The following GDI2 variants were observed in gnomAD, a reference collection of about 807,000 sequenced individuals.
The protein encoded by GDI2 is rab GDP dissociation inhibitor beta.
GDI2 carries 22 observed loss-of-function variants against 54.2 expected under a neutral mutation model. That is an observed-to-expected ratio of 0.41 (90% CI 0.29 to 0.58). The LOEUF (loss-of-function observed/expected upper bound fraction) is 0.58. Among genes scored for constraint, GDI2 ranks in the 20% least tolerant of loss-of-function variants. The probability of loss-of-function intolerance (pLI) is 0.35; values close to 1 mark genes in which losing one functional copy is unlikely to be tolerated. For synonymous variants in GDI2, 177 were observed against 182.1 expected (o/e 0.97, Z 0.23); for missense variants, 422 against 546.0 (o/e 0.77, Z 2.26).
At position 5,775,560 on chromosome 10, in the gene GDI2, A is replaced by G. The variant is rs11592184; in HGVS notation, c.720-1619T>C. Among the ~76,000 whole-genome samples, 901 of 152,300 alleles carry G rather than the reference A, an allele frequency of 5.9e-3. 11 individuals carry two copies. Among genetic ancestry groups the G allele is most frequent in the Middle Eastern group, 0.041 (12 of 294 alleles). Reference sequence around the variant, plus strand: ...GAAAATTGTAGGGGAAAGTTTCACAAAAGAGGGAGCCTCAAAAGAAGGAGC... The same window carrying G: ...GAAAATTGTAGGGGAAAGTTTCACAGAAGAGGGAGCCTCAAAAGAAGGAGC... On this transcript the variant is annotated intron_variant, in intron 6 of 10. Transcript: ENST00000380191.
At chr10:5,788,076 G>A (rs571919171) in intron 4 of GDI2, among the ~76,000 whole-genome samples, 137 of 152,250 alleles carry the variant, frequency 9.0e-4, no homozygotes, top group Non-Finnish European at 1.7e-3. Context: ...ATGACTAGCT[G>A]TTAACAGCAT....
At chr10:5,794,020 C>T (rs1244828992) in intron 4 of GDI2, among the ~76,000 whole-genome samples, 6 of 150,822 alleles carry the variant, frequency 4.0e-5, no homozygotes, top group South Asian at 2.1e-4. Context: ...AAAAATTAGC[C>T]GGGCGTGTTG....
At chr10:5,798,097 T>C (rs1184562277) in intron 2 of GDI2, among the ~76,000 whole-genome samples, 1 of 152,194 alleles carries the variant, frequency 6.6e-6, no homozygotes, top group Non-Finnish European at 1.5e-5. Flanking sequence ...ACCAATCATA[T>C]CCATCACCTC....
chr10:5,795,501 A>AT (rs1161981374), intron 3 of GDI2, among the ~76,000 whole-genome samples: 4 of 152,088 alleles, frequency 2.6e-5, no homozygotes, highest in African/African-American at 9.7e-5. Context: ...CGTTTTTGTT[A>AT]TTTTTTATCT....
At chr10:5,807,260 A>G (rs1841396861) in intron 1 of GDI2, among the ~76,000 whole-genome samples, 1 of 152,232 alleles carries the variant, frequency 6.6e-6, no homozygotes, top group Admixed American at 6.5e-5. Flanking sequence ...TAAAATTTTA[A>G]TATTTTTCCA....
intron 3 of GDI2, among the ~76,000 whole-genome samples, chr10:5,795,521 AT>A (rs1469331290): frequency 1.3e-5 from 2 of 152,180 alleles, no homozygotes; most frequent in African/African-American, 4.8e-5. Context: ...TTTTTTTCCT[AT>A]TCAAGGTTGA....
Position 5,765,867 on chromosome 10 carries a change from A to T in GDI2, c.*139T>A. 1.6e-6 allele frequency: 1 copy of T among 625,072 alleles called. No homozygotes were observed. The highest frequency in any genetic ancestry group is 2.7e-6 in the Non-Finnish European group (1 of 366,326). The allele number at this position is 625,072 out of a possible 1,614,324, so 38.7% of individuals were successfully genotyped here. A position where few individuals can be genotyped will look rare whatever the true frequency, so the allele number is the denominator to read the frequency against. The stretch of plus-strand genomic sequence containing the variant: ...AACAAGTTAATAATTAGAAAGGTGA[A>T]GGGGAGTATTTACTGGCACAGCGCT... On this transcript the variant is annotated 3_prime_UTR_variant, in exon 11 of 11. Transcript: ENST00000380191.
At chr10:5,769,593 G>C (rs1368799396) in intron 7 of GDI2, among the ~76,000 whole-genome samples, 2 of 150,246 alleles carry the variant, frequency 1.3e-5, no homozygotes, top group African/African-American at 4.9e-5. Context: ...AAAAAAAATC[G>C]AAGGACTTGA....
At chr10:5,784,089 G>A (rs975001343) in intron 6 of GDI2, among the ~76,000 whole-genome samples, 2 of 152,128 alleles carry the variant, frequency 1.3e-5, no homozygotes, top group Non-Finnish European at 2.9e-5. Flanking sequence ...CTTAGGCTTG[G>A]TTGTTTAACA....
intron 1 of GDI2, chr10:5,811,959 GT>G (rs1841486367): frequency 1.3e-6 from 1 of 750,270 alleles, no homozygotes; most frequent in Non-Finnish European, 1.8e-6. Context: ...GATGTTACCT[GT>G]AAAAAAAAAA....
intron 4 of GDI2, among the ~76,000 whole-genome samples, chr10:5,791,327 G>A (rs557917017): frequency 6.6e-6 from 1 of 151,886 alleles, no homozygotes; most frequent in Non-Finnish European, 1.5e-5. Context: ...AAATGTTCTG[G>A]GGCCGGGCAC....
intron 1 of GDI2, among the ~76,000 whole-genome samples, chr10:5,808,312 G>A (rs770694158): frequency 2.4e-4 from 37 of 151,996 alleles, no homozygotes; most frequent in African/African-American, 8.9e-4. Flanking sequence ...GTAAGAGACC[G>A]AGACCCTGTC....
chr10:5,781,831 ACG>A (rs1436797481), intron 6 of GDI2, among the ~76,000 whole-genome samples: 1 of 151,600 alleles, frequency 6.6e-6, no homozygotes, highest in Admixed American at 6.6e-5. Context: ...CTGTTCAATA[ACG>A]GCAAAACCCC....
rs2131680111 is a variant in GDI2, at chr10:5,768,619, G to A, written c.820-235C>T. 2 of 470,904 alleles carry A rather than the reference G, an allele frequency of 4.2e-6. No homozygotes were observed. Among genetic ancestry groups the A allele is most frequent in the Non-Finnish European group, 7.6e-6 (2 of 263,458 alleles). 29.2% of individuals were successfully genotyped at this position (470,904 alleles called of 1,614,324 possible). A position where few individuals can be genotyped will look rare whatever the true frequency, so the allele number is the denominator to read the frequency against. ...CAGTGATCAATTCAGTGTGGTACTG[G>A]CATAATGACAAACGTATGGACCAAT... On this transcript the variant is annotated intron_variant, in intron 7 of 10. Transcript: ENST00000380191. This position sits in a 1 kb window ranked among gnomAD's most constrained non-coding sequence, Gnocchi z 4.4.
chr10:5,766,525 C>T lies in GDI2; in HGVS notation c.1105G>A (p.Ala369Thr). The part of the protein sequence containing the change: ...TKEPEKEIRP[A>T]LELLEPIEQK... ...TCAATTGGTTCCAAGAGCTCCAAAGCTGGTCTGATTTCCTTCTCAGGCTCC... is the reference window on the plus strand; with the variant it reads ...TCAATTGGTTCCAAGAGCTCCAAAGTTGGTCTGATTTCCTTCTCAGGCTCC... Residue 369 changes from alanine to threonine, a missense_variant, in exon 9 of 11, where the codon GCT becomes ACT. Physicochemically the swap from Ala to Thr is moderately conservative, Grantham distance 58. Transcript: ENST00000380191. This position sits in a 1 kb window ranked among gnomAD's most constrained non-coding sequence, Gnocchi z 5.8. 6.2e-7 allele frequency: 1 copy of T among 1,613,880 alleles called. No individual in the cohort carries two copies. The highest frequency in any genetic ancestry group is 8.5e-7 in the Non-Finnish European group (1 of 1,179,996).
intron 4 of GDI2, among the ~76,000 whole-genome samples, chr10:5,791,929 G>A (rs1393426258): frequency 6.6e-6 from 1 of 151,906 alleles, no homozygotes; most frequent in Non-Finnish European, 1.5e-5. Context: ...TACACTGAAT[G>A]AGCAGAAAAC....
At chr10:5,784,143 C>T (rs1028371806) in intron 6 of GDI2, among the ~76,000 whole-genome samples, 2 of 152,054 alleles carry the variant, frequency 1.3e-5, no homozygotes, top group African/African-American at 4.8e-5. Flanking sequence ...TCTTTTTTGT[C>T]TTTGTCAGAT....
Position 5,777,616 on chromosome 10 carries a change from G to A in GDI2, c.720-3675C>T, listed in dbSNP as rs181157189. 1.6e-4 allele frequency among the ~76,000 whole-genome samples: 24 copies of A among 152,296 alleles called. No individual in the cohort carries two copies. The East Asian group carries it at 3.7e-3, about 23-fold the overall frequency. ...TCTCACGCCAGCTGGAATGGTGATC[G>A]TTAAAAAGCCAGGAAACAGCAGATG... On this transcript the variant is annotated intron_variant, in intron 6 of 10. Transcript: ENST00000380191.
intron 7 of GDI2, among the ~76,000 whole-genome samples, chr10:5,771,154 A>ACTGT (rs1840481621): frequency 6.6e-6 from 1 of 152,134 alleles, no homozygotes; most frequent in South Asian, 2.1e-4. Flanking sequence ...TAATTATTAA[A>ACTGT]CTGTCGGTAA....
Sources: gnomAD v4.1 joint callset for allele counts (sites outside exome capture counted in the v4.1 genomes callset) on GRCh38, gnomAD v4.1.1 for gene constraint, Gnocchi (gnomAD v3.1) non-coding constraint, MANE v1.5 for transcripts, NCBI Gene and HGNC (gene_info 2026-07-23, HGNC 2026-07-21) for gene names.